TMEM74: variants seen among roughly 807,000 people sequenced by gnomAD.
The protein encoded by TMEM74 is transmembrane protein 74.
TMEM74 carries 13 observed loss-of-function variants against 18.1 expected under a neutral mutation model. That is an observed-to-expected ratio of 0.72 (90% CI 0.47 to 1.14). TMEM74 has a LOEUF of 1.14. Ranked by LOEUF, TMEM74 falls within the 50% of genes most tolerant of loss-of-function variation. TMEM74 has a pLI of 0.00. For missense variants in TMEM74, 372 were observed against 375.9 expected, an observed-to-expected ratio of 0.99 and a Z score of 0.09; for synonymous variants, 159 against 146.6, an observed-to-expected ratio of 1.08 and a Z score of -0.61.
intron 1 of TMEM74, among the ~76,000 whole-genome samples, chr8:108,755,896 G>T (rs1813954817): frequency 6.6e-6 from 1 of 151,916 alleles, no homozygotes; most frequent in African/African-American, 2.4e-5. Flanking sequence ...AGAGAAAATA[G>T]AGAAGAAAAA....
intron 1 of TMEM74, among the ~76,000 whole-genome samples, chr8:108,664,600 A>G (rs1006892449): frequency 6.6e-6 from 1 of 152,146 alleles, no homozygotes; most frequent in Non-Finnish European, 1.5e-5. Context: ...GTTTAACTTT[A>G]TCTCTTTCTA....
At chr8:108,688,825 C>G (rs887785953) in intron 1 of TMEM74, among the ~76,000 whole-genome samples, 1 of 152,150 alleles carries the variant, frequency 6.6e-6, no homozygotes, top group Non-Finnish European at 1.5e-5. Flanking sequence ...GCAGTCTTGA[C>G]CAGCCCACAC....
In TMEM74 at chr8:108,684,322, T is replaced by C. The variant is rs372582030; in HGVS notation, n.120-28885A>G. On this transcript the variant is annotated intron_variant and non_coding_transcript_variant, in intron 1 of 3. Coordinates refer to the TMEM74 transcript ENST00000518838. ...TAAGTGGGGTGAGATGGTACCTCAT[T>C]GTGGTTTTGATTTGCATTTCTCTGA... Among the ~76,000 whole-genome samples, 41 of 152,238 alleles carry C rather than the reference T, an allele frequency of 2.7e-4. 1 individual carries two copies. In the East Asian group the frequency reaches 5.6e-3, roughly 21 times the overall value.
intron 1 of TMEM74, among the ~76,000 whole-genome samples, chr8:108,763,845 C>T (rs1250079308): frequency 6.6e-6 from 1 of 152,134 alleles, no homozygotes; most frequent in Non-Finnish European, 1.5e-5. Flanking sequence ...CAGGATTAAA[C>T]AAAAATTCTT....
intron 2 of TMEM74, among the ~76,000 whole-genome samples, chr8:108,640,347 C>T (rs1053751736): frequency 6.6e-6 from 1 of 151,930 alleles, no homozygotes; most frequent in African/African-American, 2.4e-5. Context: ...CTCCTGACCT[C>T]AAGTGACCTG....
At chr8:108,727,889 G>A (rs1044381409) in intron 1 of TMEM74, among the ~76,000 whole-genome samples, 2 of 152,312 alleles carry the variant, frequency 1.3e-5, no homozygotes, top group South Asian at 2.1e-4. Context: ...TCAGGGGAAT[G>A]TGGTGGCCTG....
chr8:108,644,769 A>G (rs891957834), intron 2 of TMEM74, among the ~76,000 whole-genome samples: 1 of 152,212 alleles, frequency 6.6e-6, no homozygotes, highest in Non-Finnish European at 1.5e-5. Context: ...ATCACTAATC[A>G]TTAGAGAAAT....
At chr8:108,642,094 A>G (rs1479729102) in intron 2 of TMEM74, among the ~76,000 whole-genome samples, 1 of 144,748 alleles carries the variant, frequency 6.9e-6, no homozygotes, top group Non-Finnish European at 1.5e-5. Context: ...ACAAAAACAG[A>G]TTTAGGAAAA....
chr8:108,787,234 G>A (rs1173214005), intron 1 of TMEM74, among the ~76,000 whole-genome samples: 4 of 152,190 alleles, frequency 2.6e-5, no homozygotes, highest in Non-Finnish European at 4.4e-5. Context: ...CCCTGTGCGA[G>A]CAAAGCCGGG....
chr8:108,669,986 C>T (rs1054091978), intron 1 of TMEM74, among the ~76,000 whole-genome samples: 6 of 143,818 alleles, frequency 4.2e-5, no homozygotes, highest in Admixed American at 2.2e-4. Context: ...TACAGTGAGC[C>T]GAGATTGCAC....
chr8:108,648,766 C>T (rs1232035567), intron 2 of TMEM74, among the ~76,000 whole-genome samples: 6 of 152,018 alleles, frequency 3.9e-5, no homozygotes, highest in Admixed American at 2.0e-4. Flanking sequence ...TCTAAAGCCA[C>T]GAGAAGGAAT....
Position 108,763,078 on chromosome 8 carries a change from C to A in TMEM74, n.119+24398G>T, listed in dbSNP as rs574019427. ...TTATTTTACCTTTCCACAGTCATTCCCATATTTCTTTATGTTCATCTAATC... is the reference window on the plus strand; with the variant it reads ...TTATTTTACCTTTCCACAGTCATTCACATATTTCTTTATGTTCATCTAATC... On this transcript the variant is annotated intron_variant and non_coding_transcript_variant, in intron 1 of 3. Transcript: ENST00000518838. Among the ~76,000 whole-genome samples, 7 of 152,176 alleles carry A rather than the reference C, an allele frequency of 4.6e-5. No homozygotes were observed. The East Asian group carries it at 1.4e-3, about 29-fold the overall frequency.
intron 2 of TMEM74, among the ~76,000 whole-genome samples, chr8:108,653,935 G>A (rs78116468): frequency 0.014 from 2,067 of 152,028 alleles, 38 homozygotes; most frequent in African/African-American, 0.047. Flanking sequence ...GAATTTTGTC[G>A]TGTTTGTATT....
At position 108,722,152 on chromosome 8, in the gene TMEM74, G is replaced by A. The variant is rs925363947; in HGVS notation, n.119+65324C>T. On this transcript the variant is annotated intron_variant and non_coding_transcript_variant, in intron 1 of 3. Coordinates refer to the TMEM74 transcript ENST00000518838. ...TAGTGTACCTTTGTGATTATATTGG[G>A]CCCATCTGGTTAATCCAGAATAATC... is the stretch of plus-strand genomic sequence containing the variant. Among the ~76,000 whole-genome samples, 7 of 152,054 alleles carry A rather than the reference G, an allele frequency of 4.6e-5. No homozygotes were observed. The East Asian group carries it at 1.3e-3, about 29-fold the overall frequency.
At chr8:108,645,954 T>C (rs1812713077) in intron 2 of TMEM74, among the ~76,000 whole-genome samples, 1 of 152,184 alleles carries the variant, frequency 6.6e-6, no homozygotes, top group Non-Finnish European at 1.5e-5. Context: ...ATAAGTATTA[T>C]TTCCTACATG....
rs1814287306 is a variant in TMEM74 at position 108,780,263 on chromosome 8, C to T, written c.*3918G>A. Reference sequence around the variant, plus strand: ...TGACCTTCAGGTTGAAAAACCTTCTCCTAAGAGATATACATATAGAACACT... The same window carrying T: ...TGACCTTCAGGTTGAAAAACCTTCTTCTAAGAGATATACATATAGAACACT... On this transcript the variant is annotated 3_prime_UTR_variant, in exon 2 of 2. Coordinates refer to ENST00000297459, the MANE Select transcript of TMEM74 (RefSeq NM_153015.3). Among the ~76,000 whole-genome samples the T allele has an allele frequency of 6.6e-6, 1 of 152,130 alleles. No homozygotes were observed.
chr8:108,750,048 T>A (rs1813888989), intron 1 of TMEM74, among the ~76,000 whole-genome samples: 1 of 152,134 alleles, frequency 6.6e-6, no homozygotes, highest in African/African-American at 2.4e-5. Flanking sequence ...TACTGGTATC[T>A]GTTAACTCAT....
chr8:108,769,609 T>C (rs1164814818), intron 1 of TMEM74, among the ~76,000 whole-genome samples: 1 of 152,106 alleles, frequency 6.6e-6, no homozygotes, highest in Non-Finnish European at 1.5e-5. Flanking sequence ...TCTTTATTTA[T>C]TATTATTATT....
At chr8:108,771,681 G>A (rs943139185) in intron 1 of TMEM74, among the ~76,000 whole-genome samples, 1 of 152,174 alleles carries the variant, frequency 6.6e-6, no homozygotes, top group African/African-American at 2.4e-5. Flanking sequence ...CAGCAATCCA[G>A]TTTATGGGCC....
Sources: gnomAD v4.1 joint callset for allele counts (sites outside exome capture counted in the v4.1 genomes callset) on GRCh38, gnomAD v4.1.1 for gene constraint, MANE v1.5 for transcripts, NCBI Gene and HGNC (gene_info 2026-07-23, HGNC 2026-07-21) for gene names.